KYNU: variants seen among roughly 807,000 people sequenced by gnomAD.
KYNU encodes L-kynurenine hydrolase.
A neutral mutation model predicts 59.2 loss-of-function variants in KYNU; 54 were observed. That is an observed-to-expected ratio of 0.91 (90% CI 0.73 to 1.14). KYNU has a LOEUF of 1.14. KYNU is among the 50% of genes most tolerant of loss of function. The pLI is 0.00. For synonymous variants in KYNU, 177 were observed against 192.0 expected, an observed-to-expected ratio of 0.92 and a Z score of 0.65; for missense variants, 567 against 554.4, an observed-to-expected ratio of 1.02 and a Z score of -0.23.
In KYNU at chr2:142,973,027, TAC is replaced by T. The variant is rs146421259; in HGVS notation, c.730-12041_730-12040del. On this transcript the variant is annotated intron_variant, in intron 8 of 13. Coordinates refer to ENST00000264170, the MANE Select transcript of KYNU (RefSeq NM_003937.3). ...CCATTACATGATTAGTGTATATATA[TAC>T]ACACACACACACACAAATCATATAT... Among the ~76,000 whole-genome samples the T allele has an allele frequency of 5.2e-3, 769 of 147,978 alleles. 4 individuals are homozygous for T. Among genetic ancestry groups the T allele is most frequent in the African/African-American group, 0.017 (678 of 40,656 alleles).
chr2:142,940,109 G>A (rs941215815), intron 4 of KYNU, among the ~76,000 whole-genome samples: 5 of 152,098 alleles, frequency 3.3e-5, no homozygotes, highest in East Asian at 1.9e-4. Context: ...AAAAGTGTGC[G>A]AAATATTTGT....
At chr2:142,932,897 G>C (rs1296893193) in intron 4 of KYNU, among the ~76,000 whole-genome samples, 1 of 152,200 alleles carries the variant, frequency 6.6e-6, no homozygotes, top group Non-Finnish European at 1.5e-5. Flanking sequence ...TTTGAACAGT[G>C]TTCACACAGA....
In KYNU at chr2:143,052,421, G is replaced by C. The variant is rs1261317554; in HGVS notation, c.*10249G>C. 2 of 152,172 alleles carry C rather than the reference G, an allele frequency of 1.3e-5. No homozygotes were observed. The highest frequency in any genetic ancestry group is 2.9e-5 in the Non-Finnish European group (2 of 68,034). The allele number at this position is 152,172 out of a possible 1,614,324, so 9.4% of individuals were successfully genotyped here. ...AGACAATGAGGAAAATGTCTCCAGG[G>C]CATGTCAGAGACCTTTGTGGCAGCC... On this transcript the variant is annotated 3_prime_UTR_variant, in exon 14 of 14. Transcript: ENST00000264170.
At chr2:142,899,437 G>C (rs149065454) in intron 2 of KYNU, among the ~76,000 whole-genome samples, 1,548 of 152,226 alleles carry the variant, frequency 0.01, 23 homozygotes, top group African/African-American at 0.036. Context: ...ACCTTCCCCA[G>C]CTAGGCTTAG....
intron 3 of KYNU, among the ~76,000 whole-genome samples, chr2:142,926,485 G>A (rs1431729622): frequency 2.6e-5 from 4 of 152,194 alleles, no homozygotes; most frequent in East Asian, 3.9e-4. Context: ...TAAGTAAGGA[G>A]GACACTGGGA....
chr2:142,974,186 A>G (rs1373539687), intron 8 of KYNU, among the ~76,000 whole-genome samples: 1 of 152,216 alleles, frequency 6.6e-6, no homozygotes, highest in Non-Finnish European at 1.5e-5. Context: ...GGAATCACAG[A>G]AACTGTGGTC....
At chr2:142,989,458 T>C (rs942194243) in intron 10 of KYNU, 22 of 984,998 alleles carry the variant, frequency 2.2e-5, no homozygotes, top group Non-Finnish European at 2.5e-5. Flanking sequence ...TGTCACACTT[T>C]GTGAAGTAGT....
chr2:143,013,298 C>CTGTGTG lies in KYNU; in HGVS notation c.903-16313_903-16308dup, dbSNP rs71301735. 8.0e-5 allele frequency among the ~76,000 whole-genome samples: 12 copies of CTGTGTG among 149,572 alleles called. No homozygotes were observed. In the South Asian group the frequency reaches 1.3e-3, roughly 16 times the overall value. ...TCTCTCTGTTTCTCTGTCTCTTTCT[C>CTGTGTG]TGTGTGTGTGTGTGTGTGTGTCCAT... On this transcript the variant is annotated intron_variant, in intron 10 of 13. Coordinates refer to ENST00000264170, the MANE Select transcript of KYNU (RefSeq NM_003937.3).
intron 4 of KYNU, among the ~76,000 whole-genome samples, chr2:142,950,696 C>T (rs879277187): frequency 1.3e-5 from 2 of 152,174 alleles, no homozygotes; most frequent in East Asian, 3.9e-4. Context: ...GTTGGTCTTT[C>T]TTATTGTTGT....
At chr2:142,951,832 C>A (rs1684000760) in intron 4 of KYNU, among the ~76,000 whole-genome samples, 1 of 152,094 alleles carries the variant, frequency 6.6e-6, no homozygotes, top group African/African-American at 2.4e-5. Context: ...TATATGTGTA[C>A]AGAAAAATTG....
chr2:142,967,429 C>G (rs1684583953), intron 8 of KYNU: 1 of 151,996 alleles, frequency 6.6e-6, no homozygotes, highest in Non-Finnish European at 1.5e-5. Context: ...TGTTTGGGTG[C>G]AAACGTCTCA....
chr2:143,026,668 G>A (rs776534251), intron 10 of KYNU, among the ~76,000 whole-genome samples: 49 of 152,230 alleles, frequency 3.2e-4, no homozygotes, highest in Non-Finnish European at 6.6e-4. Flanking sequence ...CCCCACAGCA[G>A]ACTCCAACCG....
intron 4 of KYNU, among the ~76,000 whole-genome samples, chr2:142,939,604 A>G (rs1474967008): frequency 8.7e-6 from 1 of 114,984 alleles, no homozygotes; most frequent in Non-Finnish European, 1.8e-5. Context: ...CCATCTCACA[A>G]AAAAAAAAAA....
At chr2:142,909,731 T>C (rs538388624) in intron 2 of KYNU, among the ~76,000 whole-genome samples, 1 of 152,342 alleles carries the variant, frequency 6.6e-6, no homozygotes, top group East Asian at 1.9e-4. Flanking sequence ...ATTTCATACC[T>C]TTGCTTTTAT....
chr2:142,892,613 G>A (rs1419826658), intron 2 of KYNU, among the ~76,000 whole-genome samples: 1 of 152,244 alleles, frequency 6.6e-6, no homozygotes, highest in Non-Finnish European at 1.5e-5. Context: ...AGAAGTAAAT[G>A]TAATAGAAGT....
chr2:142,962,677 G>GT lies in KYNU; in HGVS notation c.729+1907_729+1908insT, dbSNP rs537761767. Among the ~76,000 whole-genome samples the GT allele has an allele frequency of 4.2e-3, 647 of 152,268 alleles. 8 individuals carry two copies. The highest frequency in any genetic ancestry group is 0.015 in the African/African-American group (619 of 41,552). ...TAGAACTCTCAGTCAAATAAATGAA[G>GT]GTAGGAATGAGCAGCTTTAAGTGTA... On this transcript the variant is annotated intron_variant, in intron 8 of 13. Coordinates refer to ENST00000264170, the MANE Select transcript of KYNU (RefSeq NM_003937.3).
At chr2:142,939,822 T>C (rs1327998213) in intron 4 of KYNU, among the ~76,000 whole-genome samples, 2 of 152,102 alleles carry the variant, frequency 1.3e-5, no homozygotes, top group Non-Finnish European at 2.9e-5. Context: ...AAGTAGTATT[T>C]TGGGGGCAGC....
At chr2:142,993,573 A>G (rs931472092) in intron 10 of KYNU, among the ~76,000 whole-genome samples, 3 of 152,132 alleles carry the variant, frequency 2.0e-5, no homozygotes, top group East Asian at 3.9e-4. Flanking sequence ...TTTAGAAACC[A>G]TTTTAGATCA....
At chr2:143,029,740 G>A in intron 11 of KYNU, 61 bp downstream of exon 11, 2 of 1,011,956 alleles carry the variant, frequency 2.0e-6, no homozygotes, top group African/African-American at 1.6e-5. Flanking sequence ...ATGTTCATCT[G>A]TCTTTGTATT....
Sources: gnomAD v4.1 joint callset for allele counts (sites outside exome capture counted in the v4.1 genomes callset) on GRCh38, gnomAD v4.1.1 for gene constraint, MANE v1.5 for transcripts, NCBI Gene and HGNC (gene_info 2026-07-23, HGNC 2026-07-21) for gene names.